The following INO80 variants were observed in gnomAD, a reference collection of about 807,000 sequenced individuals.
INO80 encodes chromatin-remodeling ATPase INO80.
A neutral mutation model predicts 203.4 loss-of-function variants in INO80; 20 were observed. The ratio of observed to expected loss-of-function variants is 0.10; its 90% CI spans 0.07 to 0.14. The LOEUF (loss-of-function observed/expected upper bound fraction) is 0.14, where lower values mean the gene tolerates loss of function less well. INO80 is among the 10% of genes least tolerant of loss of function. The pLI is 1.00. For missense variants in INO80, 1,419 were observed against 1,914.4 expected, an observed-to-expected ratio of 0.74 and a Z score of 4.83; for synonymous variants, 726 against 685.2, an observed-to-expected ratio of 1.06 and a Z score of -0.93.
chr15:41,092,260 C>T, intron 4 of INO80, 78 bp from the exon 5 acceptor site: 1 of 1,226,008 alleles, frequency 8.2e-7, no homozygotes, highest in Non-Finnish European at 1.1e-6. Context: ...TTTCCTAGAT[C>T]CAAAACAATG....
chr15:41,046,256 T>TATATATATATATATATATATA (rs2044765463), intron 23 of INO80, among the ~76,000 whole-genome samples: 1 of 106,776 alleles, frequency 9.4e-6, no homozygotes, highest in Non-Finnish European at 2.0e-5. Flanking sequence ...TATATATATA[T>TATATATATATATATATATATA]TCTTGTTCTG....
intron 28 of INO80, among the ~76,000 whole-genome samples, chr15:41,003,791 A>C (rs2043999347): frequency 6.6e-6 from 1 of 152,248 alleles, no homozygotes; most frequent in Non-Finnish European, 1.5e-5. Context: ...AAACAGTATC[A>C]GGTGAAATAC....
intron 4 of INO80, among the ~76,000 whole-genome samples, chr15:41,094,394 G>A (rs550535558): frequency 1.7e-4 from 26 of 152,188 alleles, no homozygotes; most frequent in African/African-American, 5.5e-4. Context: ...CCGAAATGCC[G>A]TTACCCTGGA....
rs2045722876 is a variant in INO80 at position 41,096,291 on chromosome 15, G to A, written c.20C>T (p.Ala7Val). The change falls in exon 2 of 36, where the codon GCC becomes GTC. Residue 7 changes from alanine to valine, a missense_variant. Transcript: ENST00000648947. Reference sequence around the variant, plus strand: ...CTCAGTGCAGCCTCCATCATCCCTGGCACCCAACTCCGAGGCCATAGAACA... The same window carrying A: ...CTCAGTGCAGCCTCCATCATCCCTGACACCCAACTCCGAGGCCATAGAACA... MASELG[A>V]RDDGGCTELA... The A allele has an allele frequency of 2.5e-6, 4 of 1,599,364 alleles. No individual in the cohort carries two copies. In the Admixed American group the frequency reaches 7.3e-5, roughly 29 times the overall value.
chr15:41,030,874 A>G (rs942914796), intron 24 of INO80, among the ~76,000 whole-genome samples: 3 of 149,950 alleles, frequency 2.0e-5, no homozygotes, highest in African/African-American at 7.4e-5. Context: ...GTTTCACCAT[A>G]TTGGCCCGGC....
chr15:41,003,329 CTTTTCTTT>C (rs1207749585), intron 28 of INO80, among the ~76,000 whole-genome samples: 2 of 107,574 alleles, frequency 1.9e-5, no homozygotes, highest in African/African-American at 3.1e-5. Context: ...TTTTTCTTTT[CTTTTCTTT>C]TTTTTTTTTT....
At chr15:41,085,016 T>C (rs1199342897) in intron 7 of INO80, among the ~76,000 whole-genome samples, 3 of 152,232 alleles carry the variant, frequency 2.0e-5, no homozygotes, top group Non-Finnish European at 4.4e-5. Context: ...GGATTACAGG[T>C]GTGACCTGCC....
At chr15:41,088,148 C>T (rs571025878) in intron 5 of INO80, among the ~76,000 whole-genome samples, 25 of 140,160 alleles carry the variant, frequency 1.8e-4, no homozygotes, top group Non-Finnish European at 3.2e-4. Flanking sequence ...TGGAGTGCAG[C>T]GGCATGATCT....
chr15:40,993,557 G>A (rs547346560), intron 29 of INO80, among the ~76,000 whole-genome samples: 37 of 152,082 alleles, frequency 2.4e-4, no homozygotes, highest in South Asian at 1.5e-3. Context: ...CAGGAGTTTT[G>A]AGACCAGCCT....
At chr15:41,086,395 A>C (rs1262302983) in intron 6 of INO80, among the ~76,000 whole-genome samples, 1 of 152,196 alleles carries the variant, frequency 6.6e-6, no homozygotes, top group Non-Finnish European at 1.5e-5. Context: ...TCACGCCGGT[A>C]ATCCCAGCAC....
chr15:41,019,044 T>A (rs944829994), intron 26 of INO80, among the ~76,000 whole-genome samples: 3 of 152,202 alleles, frequency 2.0e-5, no homozygotes, highest in Non-Finnish European at 4.4e-5. Context: ...CGGTGTAAGA[T>A]CCTGTTCAGA....
chr15:41,010,651 G>C (rs541131362), intron 27 of INO80, among the ~76,000 whole-genome samples: 1 of 152,062 alleles, frequency 6.6e-6, no homozygotes, highest in South Asian at 2.1e-4. Flanking sequence ...TAACCCTAAG[G>C]TTCTTAATAT....
At chr15:41,089,800 G>C (rs537167966) in intron 5 of INO80, among the ~76,000 whole-genome samples, 121 of 150,838 alleles carry the variant, frequency 8.0e-4, no homozygotes, top group African/African-American at 2.7e-3. Context: ...CATTCAAATA[G>C]TTGTCACTCA....
At chr15:41,095,467 A>G (rs1403880634) in intron 4 of INO80, 134 bp downstream of exon 4, 7 of 664,626 alleles carry the variant, frequency 1.1e-5, no homozygotes, top group Non-Finnish European at 1.8e-5. Flanking sequence ...ATCTCTTCAA[A>G]AAAACCACAT....
intron 14 of INO80, among the ~76,000 whole-genome samples, chr15:41,068,906 T>G (rs796870033): frequency 2.6e-5 from 4 of 152,136 alleles, no homozygotes; most frequent in African/African-American, 9.6e-5. Context: ...AGAAATGAAT[T>G]ATTTACAATA....
rs201321270 is a variant in INO80, at chr15:41,076,478, TTTA to T, written c.1132-1916_1132-1914del. 5.9e-3 allele frequency among the ~76,000 whole-genome samples: 896 copies of T among 152,160 alleles called. 9 individuals are homozygous for T. The highest frequency in any genetic ancestry group is 0.021 in the African/African-American group (865 of 41,518). On this transcript the variant is annotated intron_variant, in intron 9 of 35. Transcript: ENST00000648947. ...ATGTGCAAACTTTCTTTTTTTTTTTTTTAATGTCAGAAGGCTAAATTAAAAGTG... is the reference window on the plus strand; with the variant it reads ...ATGTGCAAACTTTCTTTTTTTTTTTTATGTCAGAAGGCTAAATTAAAAGTG...
chr15:41,009,820 G>C (rs766780279), intron 27 of INO80, among the ~76,000 whole-genome samples: 1 of 151,980 alleles, frequency 6.6e-6, no homozygotes, highest in Non-Finnish European at 1.5e-5. Context: ...GGCTGGTCTT[G>C]AACTCCTGGG....
At chr15:41,048,111 A>G in intron 22 of INO80, 101 bp downstream of exon 22, 1 of 824,216 alleles carries the variant, frequency 1.2e-6, no homozygotes, top group Admixed American at 2.3e-5. Flanking sequence ...CCTACCATAT[A>G]GGCAAAACTA....
At chr15:41,115,900 G>A (rs2046027501) in intron 1 of INO80, 73 bp downstream of exon 1, 1 of 377,444 alleles carries the variant, frequency 2.6e-6, no homozygotes, top group Non-Finnish European at 4.7e-6. Context: ...CCCAGTTGTC[G>A]CCCGCAGAGA....
Sources: allele counts gnomAD v4.1 joint callset (sites outside exome capture counted in the v4.1 genomes callset), GRCh38; gene constraint gnomAD v4.1.1; transcripts MANE v1.5; gene names NCBI Gene and HGNC (gene_info 2026-07-23, HGNC 2026-07-21).